The following ESYT2 variants were observed in gnomAD, a reference collection of about 807,000 sequenced individuals.
ESYT2 encodes extended synaptotagmin 2.
ESYT2 carries 54 observed loss-of-function variants against 107.2 expected under a neutral mutation model. The ratio of observed to expected loss-of-function variants is 0.50; its 90% CI spans 0.40 to 0.63. The LOEUF is 0.63. ESYT2 is among the 30% of genes least tolerant of loss of function. The pLI, the probability that ESYT2 is intolerant of heterozygous loss-of-function variation, is 0.00. For synonymous variants in ESYT2, 491 were observed against 434.1 expected (o/e 1.13, Z -1.63); for missense variants, 1,020 against 1,094.5 (o/e 0.93, Z 0.96).
At chr7:158,814,408 T>C (rs79833575) in intron 1 of ESYT2, among the ~76,000 whole-genome samples, 1 of 146,910 alleles carries the variant, frequency 6.8e-6, no homozygotes, top group Non-Finnish European at 1.5e-5. Flanking sequence ...TAAAAATATA[T>C]GTTACTCGTC....
At chr7:158,773,530 A>G in intron 6 of ESYT2, 134 bp from the exon 7 acceptor site, 2 of 717,202 alleles carry the variant, frequency 2.8e-6, no homozygotes, top group Non-Finnish European at 2.2e-6. Flanking sequence ...ATCCTTCGTA[A>G]TATACCAAGG....
At chr7:158,739,174 T>C (rs1837096403) in intron 18 of ESYT2, 53 bp from the exon 19 acceptor site, 3 of 1,484,786 alleles carry the variant, frequency 2.0e-6, no homozygotes, top group African/African-American at 2.8e-5. Context: ...GAGAACGTTG[T>C]GATTCATTGG....
intron 14 of ESYT2, among the ~76,000 whole-genome samples, chr7:158,751,711 T>C (rs938274784): frequency 1.3e-5 from 2 of 152,184 alleles, no homozygotes; most frequent in African/African-American, 4.8e-5. Context: ...CCTTCCATTC[T>C]ACAAATAACA....
At chr7:158,782,211 G>T (rs1270642948) in intron 6 of ESYT2, among the ~76,000 whole-genome samples, 2 of 141,176 alleles carry the variant, frequency 1.4e-5, no homozygotes, top group Non-Finnish European at 3.1e-5. Context: ...AAGTGTGAAC[G>T]TGTGAGAACA....
At chr7:158,742,853 A>G (rs372874411) in intron 17 of ESYT2, among the ~76,000 whole-genome samples, 15 of 152,352 alleles carry the variant, frequency 9.8e-5, no homozygotes, top group Admixed American at 2.6e-4. Flanking sequence ...GAGCCTTCAG[A>G]TGAGTGGCTC....
At chr7:158,770,811 G>A (rs1447288194) in intron 7 of ESYT2, among the ~76,000 whole-genome samples, 1 of 152,048 alleles carries the variant, frequency 6.6e-6, no homozygotes, top group South Asian at 2.1e-4. Flanking sequence ...CACCGCCCCT[G>A]GCCTTATGAT....
intron 6 of ESYT2, among the ~76,000 whole-genome samples, chr7:158,779,065 A>C (rs1838677451): frequency 6.6e-6 from 1 of 152,228 alleles, no homozygotes; most frequent in Non-Finnish European, 1.5e-5. Context: ...TAAAACCTCC[A>C]TAAATGGGTA....
intron 14 of ESYT2, among the ~76,000 whole-genome samples, chr7:158,751,183 C>T (rs575377585): frequency 1.3e-5 from 2 of 152,108 alleles, no homozygotes; most frequent in Admixed American, 6.5e-5. Flanking sequence ...TGTCACTGCC[C>T]TAACCAATTT....
intron 1 of ESYT2, among the ~76,000 whole-genome samples, chr7:158,815,269 G>C (rs1381770995): frequency 6.6e-6 from 1 of 152,180 alleles, no homozygotes. Context: ...CTGCTGTTGG[G>C]CTGAGTCCTC....
chr7:158,827,305 C>G (rs1348443605), intron 1 of ESYT2, among the ~76,000 whole-genome samples: 1 of 152,102 alleles, frequency 6.6e-6, no homozygotes, highest in Admixed American at 6.6e-5. Flanking sequence ...GATAACATTG[C>G]TATGTTATCA....
intron 4 of ESYT2, among the ~76,000 whole-genome samples, chr7:158,792,117 T>C (rs1839311185): frequency 6.6e-6 from 1 of 152,046 alleles, no homozygotes; most frequent in African/African-American, 2.4e-5. Context: ...GTTCACTTTG[T>C]ATCCGGCTAC....
chr7:158,811,216 T>C (rs1839985926), intron 1 of ESYT2, among the ~76,000 whole-genome samples: 1 of 152,140 alleles, frequency 6.6e-6, no homozygotes. Context: ...TCTCAATCTA[T>C]AAAACACATA....
intron 13 of ESYT2, among the ~76,000 whole-genome samples, chr7:158,758,267 C>T (rs952795047): frequency 5.3e-5 from 8 of 152,184 alleles, no homozygotes; most frequent in East Asian, 1.9e-4. Flanking sequence ...ATAAAATGCA[C>T]GGGTGCACAA....
At position 158,737,035 on chromosome 7, in the gene ESYT2, T is replaced by G. The variant is rs1836982521; in HGVS notation, c.2399+13A>C. The G allele has an allele frequency of 6.2e-7, 1 of 1,612,322 alleles. No homozygotes were observed. The highest frequency in any genetic ancestry group is 8.5e-7 in the Non-Finnish European group (1 of 1,178,834). ...ACCGGGCAGTCTATCCTCAGCTGGA[T>G]AAAATACCGTACCTTTGATCAAACA... On this transcript the variant is annotated intron_variant, in intron 20 of 22. Transcript: ENST00000275418.
chr7:158,743,897 A>T, intron 16 of ESYT2: 1 of 450,654 alleles, frequency 2.2e-6, no homozygotes, highest in Non-Finnish European at 3.9e-6. Flanking sequence ...ACATGGTGAA[A>T]CCTCATCTCT....
chr7:158,736,673 C>T (rs1334684732), intron 20 of ESYT2, among the ~76,000 whole-genome samples: 2 of 152,062 alleles, frequency 1.3e-5, no homozygotes, highest in Non-Finnish European at 2.9e-5. Context: ...ATGTTTGGGG[C>T]TTACTGTTAT....
At position 158,734,157 on chromosome 7, in the gene ESYT2, G is replaced by A. The variant is rs748447955; in HGVS notation, c.*50C>T. 10 of 1,602,324 alleles carry A rather than the reference G, an allele frequency of 6.2e-6. No homozygotes were observed. Among genetic ancestry groups the A allele is most frequent in the Admixed American group, 3.3e-5 (2 of 59,988 alleles). On this transcript the variant is annotated 3_prime_UTR_variant, in exon 23 of 23. Coordinates refer to ENST00000275418, the MANE Select transcript of ESYT2 (RefSeq NM_001367773.1). ...GTACGTCTGTGAGAGGGTGTGTTCC[G>A]GGTAGAGGTGGAGAGCTACGCTGAA...
intron 1 of ESYT2, among the ~76,000 whole-genome samples, chr7:158,802,380 G>A (rs1031504469): frequency 7.2e-5 from 11 of 152,006 alleles, no homozygotes; most frequent in African/African-American, 2.7e-4. Context: ...TCCTCCTCCC[G>A]GGTTCAAGCA....
At chr7:158,737,553 A>G (rs7781773) in intron 19 of ESYT2, among the ~76,000 whole-genome samples, 2 of 152,046 alleles carry the variant, frequency 1.3e-5, no homozygotes, top group East Asian at 1.9e-4. Flanking sequence ...CCCCTCCAGA[A>G]GGGGGCTGCT....
Sources: allele counts gnomAD v4.1 joint callset (sites outside exome capture counted in the v4.1 genomes callset), GRCh38; gene constraint gnomAD v4.1.1; transcripts MANE v1.5; gene names NCBI Gene and HGNC (gene_info 2026-07-23, HGNC 2026-07-21).